The following DHX29 variants were observed in gnomAD, a reference collection of about 807,000 sequenced individuals.
The protein encoded by DHX29 is DExH-box helicase 29, also known as ATP-dependent RNA helicase DHX29.
In DHX29, 79 loss-of-function variants were observed where a neutral mutation model predicts 167.9. That is an observed-to-expected ratio of 0.47 (90% confidence interval 0.39 to 0.57). The LOEUF is 0.57. Among genes scored for constraint, DHX29 ranks in the 20% least tolerant of loss-of-function variants. The pLI is 0.00. For synonymous variants in DHX29, 530 were observed against 546.0 expected (o/e 0.97, Z 0.41); for missense variants, 1,347 against 1,593.4 (o/e 0.85, Z 2.63).
In DHX29 at chr5:55,307,568, G is replaced by A. The variant is rs770179334; in HGVS notation, c.6C>T (p.Gly2=). 3 of 1,613,418 alleles carry A rather than the reference G, an allele frequency of 1.9e-6. No homozygotes were observed. The highest frequency in any genetic ancestry group is 2.7e-5 in the African/African-American group (2 of 75,056). The part of the protein sequence containing the change: M[G]GKNKKHKAPA... ...GAGCCTTGTGTTTCTTGTTCTTGCC[G>A]CCCATGTTGCAGCTGTGGCAGAAGA... Residue 2 remains glycine (G), a synonymous_variant, in exon 1 of 27, where the codon GGC becomes GGT. Transcript: ENST00000251636.
intron 23 of DHX29, 61 bp from the exon 24 acceptor site, chr5:55,262,993 C>T: frequency 2.3e-6 from 3 of 1,310,034 alleles, no homozygotes; most frequent in Non-Finnish European, 3.2e-6. Context: ...TTCCAAATAA[C>T]ATTGTAGTTT....
chr5:55,297,761 C>CA (rs1748394807), intron 2 of DHX29, among the ~76,000 whole-genome samples: 1 of 152,182 alleles, frequency 6.6e-6, no homozygotes, highest in African/African-American at 2.4e-5. Flanking sequence ...ACTGCAAGCA[C>CA]ACAACCTAAA....
rs780211332 is a variant in DHX29 at position 55,295,471 on chromosome 5, T to C, written c.559A>G (p.Arg187Gly). Reference protein sequence around the residue: ...QEFEEQQPKSRPKFQSPQIQA... With the variant: ...QEFEEQQPKSGPKFQSPQIQA... ...ATTTGAGGAGACTGAAATTTAGGCCTACTTTTAGGTTGCTGCTCTTCAAAT... is the reference window on the plus strand; with the variant it reads ...ATTTGAGGAGACTGAAATTTAGGCCCACTTTTAGGTTGCTGCTCTTCAAAT... The change falls in exon 5 of 27, where the codon AGG (arginine) becomes GGG (glycine). Residue 187 changes from arginine to glycine, a missense_variant. This residue lies in a region of DHX29 where 405 missense variants were observed against 416.8 expected (regional missense o/e 0.97). Coordinates refer to ENST00000251636, the MANE Select transcript of DHX29 (RefSeq NM_019030.4). 5.0e-6 allele frequency: 8 copies of C among 1,613,970 alleles called. No individual in the cohort carries two copies. In the South Asian group the frequency reaches 8.8e-5, roughly 18 times the overall value.
chr5:55,285,914 T>G, intron 8 of DHX29, 53 bp from the exon 9 acceptor site: 1 of 1,390,890 alleles, frequency 7.2e-7, no homozygotes, highest in Non-Finnish European at 9.7e-7. Flanking sequence ...CATTCTCTTT[T>G]CAGTGATCAA....
chr5:55,293,721 A>T (rs975775848), intron 6 of DHX29, among the ~76,000 whole-genome samples: 3 of 152,144 alleles, frequency 2.0e-5, no homozygotes, highest in African/African-American at 7.2e-5. Flanking sequence ...AACTTCTGTA[A>T]AGGAACGTGC....
chr5:55,298,522 G>A, intron 2 of DHX29, 69 bp downstream of exon 2: 2 of 911,350 alleles, frequency 2.2e-6, no homozygotes, highest in Non-Finnish European at 3.6e-6. Context: ...TACATTTAAG[G>A]ATACATCTTT....
At chr5:55,294,983 C>T (rs1339351629) in intron 5 of DHX29, 1 of 159,318 alleles carries the variant, frequency 6.3e-6, no homozygotes, top group Non-Finnish European at 1.4e-5. Flanking sequence ...AGTCCAGCCA[C>T]CCTAAGACCA....
At position 55,307,501 on chromosome 5, in the gene DHX29, C is replaced by T. The variant is rs757561590; in HGVS notation, c.73G>A (p.Ala25Thr). The T allele has an allele frequency of 5.6e-6, 9 of 1,613,620 alleles. No homozygotes were observed. The highest frequency in any genetic ancestry group is 3.3e-5 in the Admixed American group (2 of 60,012). The change falls in exon 1 of 27, where the codon GCC becomes ACC. Residue 25 changes from alanine to threonine, a missense_variant. This residue lies in a region of DHX29 where 405 missense variants were observed against 416.8 expected (regional missense o/e 0.97). Coordinates refer to ENST00000251636, the MANE Select transcript of DHX29 (RefSeq NM_019030.4). ...GCAATTCCAGCCTCGGCAGATTTGG[C>T]TCTGGAAGCAGACACGGCGGCCCGG... ...VVRAAVSASR[A>T]KSAEAGIAGE... is the part of the protein sequence containing the mutation.
At position 55,300,174 on chromosome 5, in the gene DHX29, G is replaced by C. The variant is rs113450182; in HGVS notation, c.188-1510C>G. Among the ~76,000 whole-genome samples the C allele has an allele frequency of 2.4e-3, 364 of 150,756 alleles. 2 individuals are homozygous for C. The Middle Eastern group carries it at 0.025, about 10-fold the overall frequency. ...ATCTCTTGAGCCCAGGAGTTTGAGA[G>C]CAGTCTGGGCAATATAGTGAGACTT... is the stretch of plus-strand genomic sequence containing the variant. On this transcript the variant is annotated intron_variant, in intron 1 of 26. Coordinates refer to ENST00000251636, the MANE Select transcript of DHX29 (RefSeq NM_019030.4).
At position 55,274,604 on chromosome 5, in the gene DHX29, G is replaced by C; in HGVS notation, c.2690+10C>G. The C allele has an allele frequency of 1.3e-6, 2 of 1,526,772 alleles. No individual in the cohort carries two copies. Among genetic ancestry groups the C allele is most frequent in the Non-Finnish European group, 1.8e-6 (2 of 1,119,528 alleles). The allele number at this position is 1,526,772 out of a possible 1,614,324, so 94.6% of individuals were successfully genotyped here. A position where few individuals can be genotyped will look rare whatever the true frequency, so the allele number is the denominator to read the frequency against. ...AAACTACCAGGAATATAATGAAGAT[G>C]AGTAGTTACCGTTCAGAATAAAATC... On this transcript the variant is annotated intron_variant, in intron 16 of 26. Transcript: ENST00000251636.
intron 23 of DHX29, 73 bp downstream of exon 23, chr5:55,267,065 G>C: frequency 1.1e-6 from 1 of 948,302 alleles, no homozygotes; most frequent in Non-Finnish European, 1.6e-6. Context: ...TATTTTCCTA[G>C]GCATTCTTTT....
At chr5:55,299,125 T>C (rs1393486970) in intron 1 of DHX29, among the ~76,000 whole-genome samples, 1 of 151,950 alleles carries the variant, frequency 6.6e-6, no homozygotes, top group Non-Finnish European at 1.5e-5. Flanking sequence ...TAACTCAATC[T>C]AGTAGCTAGC....
At chr5:55,295,325 A>T in intron 5 of DHX29, 54 bp downstream of exon 5, 2 of 1,330,278 alleles carry the variant, frequency 1.5e-6, no homozygotes, top group South Asian at 1.2e-5. Context: ...TTGAACTGTT[A>T]CATGTGCTCC....
At chr5:55,295,196 C>T (rs1378587194) in intron 5 of DHX29, 183 bp downstream of exon 5, 2 of 563,424 alleles carry the variant, frequency 3.5e-6, no homozygotes, top group East Asian at 5.7e-5. Flanking sequence ...TGGTTTAAGC[C>T]ACTACATTTT....
chr5:55,272,808 C>G (rs994251861), intron 17 of DHX29, among the ~76,000 whole-genome samples: 5 of 152,002 alleles, frequency 3.3e-5, no homozygotes, highest in African/African-American at 9.7e-5. Context: ...CTTAGCACAA[C>G]CCTTCACTAT....
In DHX29 at chr5:55,261,339, TAATC is replaced by T. The variant is rs763838545; in HGVS notation, c.3960+25_3960+28del. The T allele has an allele frequency of 5.9e-6, 8 of 1,355,374 alleles. No homozygotes were observed. In the East Asian group the frequency reaches 1.4e-4, roughly 24 times the overall value. 84.0% of individuals were successfully genotyped at this position (1,355,374 alleles called of 1,614,324 possible). ...GGTACTGGAAGTTGAAAATTTTTAA[TAATC>T]AATAAAATCAGTTGTACTATGTACC... On this transcript the variant is annotated intron_variant, in intron 25 of 26. Coordinates refer to ENST00000251636, the MANE Select transcript of DHX29 (RefSeq NM_019030.4).
intron 1 of DHX29, among the ~76,000 whole-genome samples, chr5:55,301,323 A>C (rs1442744797): frequency 2.0e-5 from 3 of 152,192 alleles, no homozygotes; most frequent in Non-Finnish European, 4.4e-5. Context: ...ACATCTCAGA[A>C]TTATTATGAA....
In DHX29 at chr5:55,261,424, T is replaced by C. The variant is rs1225387463; in HGVS notation, c.3904A>G (p.Ile1302Val). The change falls in exon 25 of 27, where the codon ATA (isoleucine) becomes GTA (valine). Residue 1302 changes from isoleucine (I) to valine (V), a missense_variant. Coordinates refer to ENST00000251636, the MANE Select transcript of DHX29 (RefSeq NM_019030.4). ...AGACGTTCTCGGTGCTGAACTTCTA[T>C]ATCACCACCAAAAAGTAAAACTGGA... ...PFPVLLFGGD[I>V]EVQHRERLLS... 6.4e-7 allele frequency: 1 copy of C among 1,572,054 alleles called. No individual in the cohort carries two copies. The highest frequency in any genetic ancestry group is 1.7e-5 in the Admixed American group (1 of 59,784).
chr5:55,283,566 A>T lies in DHX29; in HGVS notation c.1602T>A (p.Ser534=), dbSNP rs1453648220. Residue 534 remains serine (S), a synonymous_variant, in exon 11 of 27, where the codon TCT becomes TCA. Transcript: ENST00000251636. ...WENLVSDEDF[S]ALSLESANVE... is the part of the protein sequence containing the mutation. ...CATTTGCTGATTCCAAGGACAGTGCAGAAAAATCCTCATCCGAAACTAAAT... is the reference window on the plus strand; with the variant it reads ...CATTTGCTGATTCCAAGGACAGTGCTGAAAAATCCTCATCCGAAACTAAAT... The T allele has an allele frequency of 6.2e-7, 1 of 1,614,210 alleles. No individual in the cohort carries two copies.
Sources: gnomAD v4.1 joint callset for allele counts (sites outside exome capture counted in the v4.1 genomes callset) on GRCh38, gnomAD v4.1.1 for gene constraint, gnomAD v4.1.1 regional missense constraint, MANE v1.5 for transcripts, NCBI Gene and HGNC (gene_info 2026-07-23, HGNC 2026-07-21) for gene names.